CPEB3: variants seen among roughly 807,000 people sequenced by gnomAD.
CPEB3 encodes cytoplasmic polyadenylation element-binding protein 3.
Under a neutral mutation model 67.2 loss-of-function variants are expected in CPEB3, and 20 were observed. That is an observed-to-expected ratio of 0.30 (90% CI 0.21 to 0.43). The LOEUF (loss-of-function observed/expected upper bound fraction) is 0.43. Ranked by LOEUF, CPEB3 falls within the 20% of genes least tolerant of loss-of-function variation. The pLI, the probability that CPEB3 is intolerant of heterozygous loss-of-function variation, is 1.00. For missense variants in CPEB3, 746 were observed against 968.6 expected, an observed-to-expected ratio of 0.77 and a Z score of 3.05; for synonymous variants, 376 against 393.1, an observed-to-expected ratio of 0.96 and a Z score of 0.51.
chr10:92,129,019 T>C (rs561433956), intron 6 of CPEB3, among the ~76,000 whole-genome samples: 1 of 152,358 alleles, frequency 6.6e-6, no homozygotes, highest in African/African-American at 2.4e-5. Context: ...TAAATCGTTC[T>C]ATCATAAAGA....
intron 2 of CPEB3, among the ~76,000 whole-genome samples, chr10:92,238,104 A>G (rs1167767259): frequency 6.6e-6 from 1 of 152,146 alleles, no homozygotes; most frequent in East Asian, 1.9e-4. Flanking sequence ...CAGCTCTACC[A>G]AGCACTCCTC....
chr10:92,178,228 G>A (rs1002152851), intron 4 of CPEB3, among the ~76,000 whole-genome samples: 3 of 150,692 alleles, frequency 2.0e-5, no homozygotes, highest in Middle Eastern at 3.4e-3. Flanking sequence ...GCGTGATCTC[G>A]GCTCACTGCA....
At chr10:92,095,980 A>G (rs1843855467) in intron 7 of CPEB3, among the ~76,000 whole-genome samples, 1 of 150,918 alleles carries the variant, frequency 6.6e-6, no homozygotes, top group African/African-American at 2.4e-5. Context: ...GGTTCAAGCA[A>G]TTTTCCTGCC....
At chr10:92,213,674 G>C (rs955867517) in intron 2 of CPEB3, among the ~76,000 whole-genome samples, 3 of 152,090 alleles carry the variant, frequency 2.0e-5, no homozygotes, top group African/African-American at 7.2e-5. Context: ...ACTCCTGACT[G>C]GGTCTTTAAA....
At chr10:92,194,680 G>C (rs893702943) in intron 2 of CPEB3, among the ~76,000 whole-genome samples, 1 of 152,052 alleles carries the variant, frequency 6.6e-6, no homozygotes, top group East Asian at 1.9e-4. Flanking sequence ...CAAGCCTTCA[G>C]GAAACTATCA....
At chr10:92,227,280 T>C (rs1227480832) in intron 2 of CPEB3, among the ~76,000 whole-genome samples, 1 of 152,216 alleles carries the variant, frequency 6.6e-6, no homozygotes, top group Non-Finnish European at 1.5e-5. Context: ...GTGTAAGGAT[T>C]ACATAAAATT....
chr10:92,239,666 C>G lies in CPEB3; in HGVS notation c.685G>C (p.Ala229Pro), dbSNP rs528022128. The part of the protein sequence containing the change: ...KPSSSSAVAA[A>P]AAAAAASSAS... ...GACGAGGCGGCGGCTGCGGCAGCAG[C>G]GGCTGCAACCGCCGAAGACGAGGAC... Residue 229 changes from alanine (A) to proline (P), a missense_variant, in exon 2 of 10, where the codon GCT becomes CCT. This residue lies in a region of CPEB3 where 643 missense variants were observed against 717.5 expected (regional missense o/e 0.90). Coordinates refer to ENST00000265997, the MANE Select transcript of CPEB3 (RefSeq NM_014912.5). This position sits in a 1 kb window ranked among gnomAD's most constrained non-coding sequence, Gnocchi z 6.0. 1.3e-6 allele frequency: 2 copies of G among 1,560,178 alleles called. No homozygotes were observed. Among genetic ancestry groups the G allele is most frequent in the Middle Eastern group, 3.8e-4 (2 of 5,268 alleles).
At position 92,047,539 on chromosome 10, in the gene CPEB3, C is replaced by T. The variant is rs1293360652; in HGVS notation, c.*4673G>A. ...TAAATGCAGTACATTCTGCATTAGC[C>T]CATGCCTCACTAACAAGCTATAAAA... On this transcript the variant is annotated 3_prime_UTR_variant, in exon 10 of 10. Coordinates refer to ENST00000265997, the MANE Select transcript of CPEB3 (RefSeq NM_014912.5). 6.6e-6 allele frequency: 1 copy of T among 152,140 alleles called. No individual in the cohort carries two copies. The highest frequency in any genetic ancestry group is 1.5e-5 in the Non-Finnish European group (1 of 68,030). The allele number at this position is 152,140 out of a possible 1,614,324, so 9.4% of individuals were successfully genotyped here.
In CPEB3 at chr10:92,145,190, A is replaced by G. The variant is rs1590234522; in HGVS notation, c.1223-105T>C. On this transcript the variant is annotated intron_variant, in intron 4 of 9. Transcript: ENST00000265997. ...ATGCTCTATTAGAAGCCCGAAGTGC[A>G]GAGAGAAGCATACAAAAAAAAAGGT... The G allele has an allele frequency of 5.5e-6, 7 of 1,278,190 alleles. No individual in the cohort carries two copies. In the East Asian group the frequency reaches 1.4e-4, roughly 26 times the overall value. 79.2% of individuals were successfully genotyped at this position (1,278,190 alleles called of 1,614,324 possible).
At chr10:92,081,225 G>A in intron 9 of CPEB3, 95 bp downstream of exon 9, 1 of 1,298,320 alleles carries the variant, frequency 7.7e-7, no homozygotes, top group African/African-American at 1.5e-5. Context: ...GGTAGAGCTG[G>A]TCACTTATGA....
intron 7 of CPEB3, among the ~76,000 whole-genome samples, chr10:92,092,672 C>A (rs1041936973): frequency 1.3e-5 from 2 of 151,928 alleles, no homozygotes; most frequent in Non-Finnish European, 2.9e-5. Context: ...CCCAGCTACT[C>A]AGGAGGCTGA....
intron 4 of CPEB3, among the ~76,000 whole-genome samples, chr10:92,166,223 C>T (rs1446059715): frequency 6.6e-6 from 1 of 152,024 alleles, no homozygotes; most frequent in Non-Finnish European, 1.5e-5. Context: ...ATTCTCCTGC[C>T]TCAGCCTCCC....
At chr10:92,250,845 A>G (rs1852263257) in intron 1 of CPEB3, among the ~76,000 whole-genome samples, 1 of 144,972 alleles carries the variant, frequency 6.9e-6, no homozygotes, top group Admixed American at 6.9e-5. Flanking sequence ...GCCTGCCACC[A>G]CACACACAGT....
intron 9 of CPEB3, among the ~76,000 whole-genome samples, chr10:92,071,068 T>A (rs1165623115): frequency 1.1e-5 from 1 of 94,246 alleles, no homozygotes; most frequent in African/African-American, 5.3e-5. Flanking sequence ...AACACTTTCA[T>A]TTACACACAC....
chr10:92,237,958 TTACTC>T (rs1851620669), intron 2 of CPEB3, among the ~76,000 whole-genome samples: 2 of 152,194 alleles, frequency 1.3e-5, no homozygotes, highest in African/African-American at 4.8e-5. Context: ...TTAAAAATCA[TTACTC>T]TAGCCTAGAG....
chr10:92,111,811 A>G (rs892751876), intron 6 of CPEB3, among the ~76,000 whole-genome samples: 6 of 152,208 alleles, frequency 3.9e-5, no homozygotes, highest in Admixed American at 6.5e-5. Context: ...GTTGTATGGT[A>G]TGTGAATGAT....
chr10:92,059,952 CAAAA>C (rs557616121), intron 9 of CPEB3, among the ~76,000 whole-genome samples: 31 of 60,812 alleles, frequency 5.1e-4, no homozygotes, highest in Non-Finnish European at 1.0e-3. Context: ...CGAGACTCCT[CAAAA>C]AAAAAAAAAA....
chr10:92,083,170 C>T (rs1590097103), intron 8 of CPEB3, among the ~76,000 whole-genome samples: 1 of 152,130 alleles, frequency 6.6e-6, no homozygotes, highest in Non-Finnish European at 1.5e-5. Flanking sequence ...TTTCTAAGTG[C>T]CTATTTTTAA....
At position 92,257,960 on chromosome 10, in the gene CPEB3, C is replaced by T. The variant is rs575106653; in HGVS notation, c.-11-17599G>A. ...GGCCAGGCTGGTCTCACACTCCTGACCTCAGATGATTCGCCAACCTCAGCC... is the reference window on the plus strand; with the variant it reads ...GGCCAGGCTGGTCTCACACTCCTGATCTCAGATGATTCGCCAACCTCAGCC... On this transcript the variant is annotated intron_variant, in intron 1 of 9. Coordinates refer to ENST00000265997, the MANE Select transcript of CPEB3 (RefSeq NM_014912.5). Among the ~76,000 whole-genome samples the T allele has an allele frequency of 2.0e-5, 3 of 152,128 alleles. No homozygotes were observed. The East Asian group carries it at 5.8e-4, about 29-fold the overall frequency.
Sources: allele counts gnomAD v4.1 joint callset (sites outside exome capture counted in the v4.1 genomes callset), GRCh38; gene constraint gnomAD v4.1.1; regional missense constraint gnomAD v4.1.1; non-coding constraint Gnocchi (gnomAD v3.1); transcripts MANE v1.5; gene names NCBI Gene and HGNC (gene_info 2026-07-23, HGNC 2026-07-21).